SULT1C2: variants seen among roughly 807,000 people sequenced by gnomAD.
SULT1C2 encodes sulfotransferase family 1C member 2.
A neutral mutation model predicts 36.0 loss-of-function variants in SULT1C2; 27 were observed. The ratio of observed to expected loss-of-function variants is 0.75; its 90% CI spans 0.55 to 1.03. The LOEUF is 1.03. SULT1C2 is among the 50% of genes least tolerant of loss of function. SULT1C2 has a pLI of 0.00. For synonymous variants in SULT1C2, 121 were observed against 116.0 expected, an observed-to-expected ratio of 1.04 and a Z score of -0.27; for missense variants, 395 against 359.2, an observed-to-expected ratio of 1.10 and a Z score of -0.80.
intron 1 of SULT1C2, among the ~76,000 whole-genome samples, chr2:108,290,331 T>A (rs560400088): frequency 6.6e-6 from 1 of 152,202 alleles, no homozygotes; most frequent in Non-Finnish European, 1.5e-5. Flanking sequence ...GGAATAGGTC[T>A]CATCCTAGCA....
chr2:108,290,529 A>G (rs543932998), intron 1 of SULT1C2, among the ~76,000 whole-genome samples: 1 of 152,332 alleles, frequency 6.6e-6, no homozygotes, highest in African/African-American at 2.4e-5. Flanking sequence ...TTATAAATAT[A>G]AGAGGTTTAT....
At chr2:108,305,701 CTA>C in intron 7 of SULT1C2, 106 bp downstream of exon 7, 1 of 1,363,120 alleles carries the variant, frequency 7.3e-7, no homozygotes, top group East Asian at 2.3e-5. Context: ...TGCATTTCAA[CTA>C]TTCCTAATAT....
intron 7 of SULT1C2, among the ~76,000 whole-genome samples, chr2:108,306,020 C>A (rs950845233): frequency 6.6e-6 from 1 of 152,204 alleles, no homozygotes; most frequent in African/African-American, 2.4e-5. Context: ...TTTCACATAT[C>A]TATTAGGCAT....
intron 1 of SULT1C2, 74 bp from the exon 2 acceptor site, chr2:108,293,573 T>G (rs1676648988): frequency 7.0e-7 from 1 of 1,426,722 alleles, no homozygotes; most frequent in African/African-American, 1.4e-5. Flanking sequence ...TAACGATGGT[T>G]AAAATGATCA....
rs1677114437 is a variant in SULT1C2, at chr2:108,309,894, A to G, written c.*1430A>G. 1 of 152,256 alleles carries G rather than the reference A, an allele frequency of 6.6e-6. No homozygotes were observed. The highest frequency in any genetic ancestry group is 2.4e-5 in the African/African-American group (1 of 41,466). 9.4% of individuals were successfully genotyped at this position (152,256 alleles called of 1,614,324 possible). On this transcript the variant is annotated 3_prime_UTR_variant, in exon 8 of 8. Transcript: ENST00000251481. ...AAGCACCTTTTTATTATGTAAATAA[A>G]TAAAAGTTATCTGTATCCCCACTGC...
chr2:108,305,661 C>T, intron 7 of SULT1C2, 66 bp downstream of exon 7: 1 of 1,578,884 alleles, frequency 6.3e-7, no homozygotes, highest in Non-Finnish European at 8.7e-7. Context: ...TCTTAGCAGA[C>T]AATATTGAGT....
At chr2:108,290,904 A>G (rs1356473121) in intron 1 of SULT1C2, among the ~76,000 whole-genome samples, 1 of 152,246 alleles carries the variant, frequency 6.6e-6, no homozygotes, top group East Asian at 1.9e-4. Flanking sequence ...CTATGTATAA[A>G]CAGTTTTCTA....
chr2:108,305,147 A>G, intron 5 of SULT1C2, 25 bp from the exon 6 acceptor site: 1 of 1,613,662 alleles, frequency 6.2e-7, no homozygotes, highest in Non-Finnish European at 8.5e-7. Flanking sequence ...TATGTAGACT[A>G]TTCTGTTTCC....
rs978767389 is a variant in SULT1C2, at chr2:108,291,520, A to T, written c.-21-2127A>T. ...AAAAGACAGATAGAAATACATCAAA[A>T]TAATAACAACTCTTGTGTGATAGAT... On this transcript the variant is annotated intron_variant, in intron 1 of 7. Transcript: ENST00000251481. Among the ~76,000 whole-genome samples, 3 of 152,340 alleles carry T rather than the reference A, an allele frequency of 2.0e-5. No individual in the cohort carries two copies. In the South Asian group the frequency reaches 6.2e-4, roughly 32 times the overall value.
rs923718107 is a variant in SULT1C2 at position 108,308,458 on chromosome 2, A to C, written c.885A>C (p.Glu295Asp). The change falls in exon 8 of 8, where the codon GAA becomes GAC. Residue 295 changes from glutamate (E) to aspartate (D), a missense_variant. Physicochemically the swap from Glu to Asp is conservative, Grantham distance 45. Transcript: ENST00000251481. ...GAACCTCCATAAACTTCTGCATGGAACTCTGAGCAAGATGTAAATAAAATT... is the reference window on the plus strand; with the variant it reads ...GAACCTCCATAAACTTCTGCATGGACCTCTGAGCAAGATGTAAATAAAATT... The part of the protein sequence containing the change: ...MEGTSINFCM[E>D]L The C allele has an allele frequency of 1.3e-4, 216 of 1,602,036 alleles. 2 individuals carry two copies. The South Asian group carries it at 2.4e-3, about 18-fold the overall frequency.
rs772263953 is a variant in SULT1C2, at chr2:108,308,579, TACAA to T, written c.*120_*123del. The T allele has an allele frequency of 1.9e-5, 15 of 794,370 alleles. No individual in the cohort carries two copies. The South Asian group carries it at 2.6e-4, about 14-fold the overall frequency. 49.2% of individuals were successfully genotyped at this position (794,370 alleles called of 1,614,324 possible). A position where few individuals can be genotyped will look rare whatever the true frequency, so the allele number is the denominator to read the frequency against. On this transcript the variant is annotated 3_prime_UTR_variant, in exon 8 of 8. Coordinates refer to ENST00000251481, the MANE Select transcript of SULT1C2 (RefSeq NM_001056.4). The stretch of plus-strand genomic sequence containing the variant: ...CATATTGTGAATGTATACAATGTAG[TACAA>T]ACAATCTCTGTGATGATTAACAGTA...
intron 1 of SULT1C2, among the ~76,000 whole-genome samples, chr2:108,292,888 C>T (rs1175503008): frequency 3.9e-5 from 6 of 152,074 alleles, no homozygotes; most frequent in African/African-American, 1.4e-4. Context: ...ACTGGGTAAA[C>T]AAAATATAGG....
intron 4 of SULT1C2, chr2:108,302,891 G>A (rs1573253056): frequency 6.6e-6 from 1 of 152,202 alleles, no homozygotes; most frequent in East Asian, 1.9e-4. Flanking sequence ...AACTCAGACA[G>A]GAAGGTTTGA....
intron 1 of SULT1C2, among the ~76,000 whole-genome samples, chr2:108,292,807 A>T (rs1369152929): frequency 6.6e-6 from 1 of 152,248 alleles, no homozygotes; most frequent in Non-Finnish European, 1.5e-5. Flanking sequence ...GCAATAATTC[A>T]AAGAGATATT....
At chr2:108,305,378 T>G (rs758259839) in intron 6 of SULT1C2, 37 bp from the exon 7 acceptor site, 46 of 1,610,546 alleles carry the variant, frequency 2.9e-5, no homozygotes, top group Middle Eastern at 3.3e-4. Flanking sequence ...TTTATGATAC[T>G]CTCATTCATT....
chr2:108,292,736 CAT>C (rs1676624239), intron 1 of SULT1C2, among the ~76,000 whole-genome samples: 1 of 152,090 alleles, frequency 6.6e-6, no homozygotes, highest in African/African-American at 2.4e-5. Context: ...AAATATTAAA[CAT>C]AGAATTACCA....
intron 3 of SULT1C2, among the ~76,000 whole-genome samples, chr2:108,294,962 A>AC (rs1287289415): frequency 1.3e-5 from 2 of 152,226 alleles, no homozygotes; most frequent in African/African-American, 4.8e-5. Context: ...ATTTTGCAAA[A>AC]CAAGGATAGG....
At chr2:108,290,410 T>C (rs1431288399) in intron 1 of SULT1C2, among the ~76,000 whole-genome samples, 1 of 152,234 alleles carries the variant, frequency 6.6e-6, no homozygotes, top group African/African-American at 2.4e-5. Context: ...TAATATACTA[T>C]GAATTAGGAC....
rs1448278726 is a variant in SULT1C2, at chr2:108,298,642, A to G, written c.278-2196A>G. The stretch of plus-strand genomic sequence containing the variant: ...AGCAATCCACCTGCCTCAACCTCCC[A>G]AAGTGCCAAGATTACAGACGTGAGC... On this transcript the variant is annotated intron_variant, in intron 3 of 7. Transcript: ENST00000251481. 10 of 382,106 alleles carry G rather than the reference A, an allele frequency of 2.6e-5. No homozygotes were observed. In the Middle Eastern group the frequency reaches 1.9e-3, roughly 72 times the overall value. The allele number at this position is 382,106 out of a possible 1,614,324, so 23.7% of individuals were successfully genotyped here.
Sources: allele counts gnomAD v4.1 joint callset (sites outside exome capture counted in the v4.1 genomes callset), GRCh38; gene constraint gnomAD v4.1.1; transcripts MANE v1.5; gene names NCBI Gene and HGNC (gene_info 2026-07-23, HGNC 2026-07-21).